Variants in AFF1 observed in about 807,000 individuals in gnomAD.
The protein encoded by AFF1 is ALF transcription elongation factor 1, also known as AF4/FMR2 family member 1.
AFF1 carries 48 observed loss-of-function variants against 121.7 expected under a neutral mutation model. The ratio of observed to expected loss-of-function variants is 0.39; its 90% CI spans 0.31 to 0.50. The LOEUF is 0.50. Among genes scored for constraint, AFF1 ranks in the 20% least tolerant of loss-of-function variants. AFF1 has a pLI of 0.76. For missense variants in AFF1, 1,523 were observed against 1,511.7 expected (o/e 1.01, Z -0.12); for synonymous variants, 613 against 563.0 (o/e 1.09, Z -1.26).
intron 1 of AFF1, among the ~76,000 whole-genome samples, chr4:86,946,282 T>C (rs556729029): frequency 1.3e-5 from 2 of 152,322 alleles, no homozygotes; most frequent in African/African-American, 4.8e-5. Flanking sequence ...CTAACATCTA[T>C]ATATTTTACT....
intron 2 of AFF1, among the ~76,000 whole-genome samples, chr4:87,012,932 C>G (rs1414443437): frequency 6.6e-6 from 1 of 151,950 alleles, no homozygotes; most frequent in Non-Finnish European, 1.5e-5. Flanking sequence ...GCCAACAGAC[C>G]TGGCATCTTG....
At chr4:86,987,813 C>A (rs1231522576) in intron 2 of AFF1, among the ~76,000 whole-genome samples, 1 of 151,918 alleles carries the variant, frequency 6.6e-6, no homozygotes, top group Non-Finnish European at 1.5e-5. Context: ...ATTAGCTGGG[C>A]ATGGTGGCAC....
At chr4:87,095,121 T>C in intron 8 of AFF1, 152 bp downstream of exon 8, 1 of 775,562 alleles carries the variant, frequency 1.3e-6, no homozygotes, top group Non-Finnish European at 2.1e-6. Flanking sequence ...ATTAATTTTT[T>C]TTGCTTGTTT....
At chr4:86,993,832 T>A (rs995696496) in intron 2 of AFF1, among the ~76,000 whole-genome samples, 1 of 152,124 alleles carries the variant, frequency 6.6e-6, no homozygotes, top group African/African-American at 2.4e-5. Context: ...GGCATGGTAA[T>A]GTGTGCCTGT....
intron 7 of AFF1, among the ~76,000 whole-genome samples, chr4:87,093,498 A>G (rs971624090): frequency 1.3e-5 from 2 of 152,134 alleles, no homozygotes; most frequent in Admixed American, 1.3e-4. Flanking sequence ...TAGGTTTTAG[A>G]GTCTCTGGAG....
At chr4:87,046,406 AT>A (rs1237625373) in intron 3 of AFF1, 120 bp downstream of exon 3, 70 of 1,324,752 alleles carry the variant, frequency 5.3e-5, no homozygotes, top group Non-Finnish European at 6.4e-5. Flanking sequence ...AAGATAACTT[AT>A]TCTAACTTAT....
chr4:87,044,069 G>A (rs1730425372), intron 2 of AFF1, among the ~76,000 whole-genome samples: 1 of 152,074 alleles, frequency 6.6e-6, no homozygotes, highest in African/African-American at 2.4e-5. Flanking sequence ...ACCTGCCTTG[G>A]CCTCCCAAAG....
chr4:86,951,615 C>CTTTTCTTT (rs1721324296), intron 2 of AFF1, among the ~76,000 whole-genome samples: 1 of 124,944 alleles, frequency 8.0e-6, no homozygotes, highest in African/African-American at 3.3e-5. Context: ...TTTCTTTTTT[C>CTTTTCTTT]TTTTTTTCTT....
chr4:86,954,457 A>G (rs1360399903), intron 2 of AFF1, among the ~76,000 whole-genome samples: 4 of 152,202 alleles, frequency 2.6e-5, no homozygotes, highest in African/African-American at 4.8e-5. Flanking sequence ...CATGGTGGCT[A>G]ATGCCTGTAA....
At chr4:87,085,471 A>G (rs1486899897) in intron 5 of AFF1, among the ~76,000 whole-genome samples, 3 of 151,446 alleles carry the variant, frequency 2.0e-5, no homozygotes, top group Non-Finnish European at 4.4e-5. Flanking sequence ...AGAGATGTAT[A>G]TAATAAATGT....
At chr4:87,118,949 C>T (rs1727392443) in intron 12 of AFF1, among the ~76,000 whole-genome samples, 1 of 152,150 alleles carries the variant, frequency 6.6e-6, no homozygotes. Context: ...AGAGGTTTCC[C>T]ATTGGTTTCC....
At chr4:87,073,440 T>C (rs1722331882) in intron 4 of AFF1, among the ~76,000 whole-genome samples, 1 of 152,188 alleles carries the variant, frequency 6.6e-6, no homozygotes, top group South Asian at 2.1e-4. Flanking sequence ...CTCAGATTGC[T>C]TCCTCAGAGT....
At chr4:87,077,007 A>G (rs1264243883) in intron 4 of AFF1, among the ~76,000 whole-genome samples, 1 of 152,240 alleles carries the variant, frequency 6.6e-6, no homozygotes, top group Non-Finnish European at 1.5e-5. Flanking sequence ...GTGTCTTCAT[A>G]TAAATGCATG....
chr4:86,951,905 C>T (rs944687184), intron 2 of AFF1, among the ~76,000 whole-genome samples: 2 of 150,198 alleles, frequency 1.3e-5, no homozygotes, highest in African/African-American at 2.4e-5. Context: ...TGGGCCACCA[C>T]ATCTGGCTGG....
intron 2 of AFF1, among the ~76,000 whole-genome samples, chr4:86,957,889 C>T (rs1428297553): frequency 6.6e-6 from 1 of 152,080 alleles, no homozygotes; most frequent in African/African-American, 2.4e-5. Flanking sequence ...AAAAAACAAA[C>T]AAACAACTAT....
chr4:87,024,071 T>C (rs1167657918), intron 2 of AFF1, among the ~76,000 whole-genome samples: 1 of 152,246 alleles, frequency 6.6e-6, no homozygotes, highest in Admixed American at 6.5e-5. Flanking sequence ...CCAGGAACTT[T>C]GCAAAATGGT....
intron 4 of AFF1, among the ~76,000 whole-genome samples, chr4:87,051,534 C>A (rs2149627399): frequency 6.6e-6 from 1 of 151,934 alleles, no homozygotes; most frequent in African/African-American, 2.4e-5. Context: ...AATCTTGGCT[C>A]ACTGCAACCT....
Position 87,009,648 on chromosome 4 carries a change from G to T in AFF1, c.39-36518G>T, listed in dbSNP as rs188114472. Among the ~76,000 whole-genome samples, 53 of 152,278 alleles carry T rather than the reference G, an allele frequency of 3.5e-4. 1 individual carries two copies. Among genetic ancestry groups the T allele is most frequent in the Non-Finnish European group, 3.1e-4 (21 of 68,020 alleles). ...TTTCTTTGGTTACACCTGGAATGTG[G>T]TCCAAGCTCATTCAGATAATTGTGC... On this transcript the variant is annotated intron_variant, in intron 2 of 20. Coordinates refer to ENST00000395146, the MANE Select transcript of AFF1 (RefSeq NM_001166693.3).
chr4:87,035,162 C>T (rs1729432679), intron 2 of AFF1, among the ~76,000 whole-genome samples: 1 of 152,138 alleles, frequency 6.6e-6, no homozygotes, highest in Non-Finnish European at 1.5e-5. Context: ...CTGTGCTTCC[C>T]AGAGCCTCCC....
Sources: gnomAD v4.1 joint callset for allele counts (sites outside exome capture counted in the v4.1 genomes callset) on GRCh38, gnomAD v4.1.1 for gene constraint, MANE v1.5 for transcripts, NCBI Gene and HGNC (gene_info 2026-07-23, HGNC 2026-07-21) for gene names.